Variants in DYTN observed in about 807,000 individuals in gnomAD.
DYTN encodes the protein dystrotelin.
DYTN carries 75 observed loss-of-function variants against 69.6 expected under a neutral mutation model. The observed-to-expected ratio is 1.08, with a 90% CI of 0.89 to 1.31. The LOEUF (loss-of-function observed/expected upper bound fraction) is 1.31, where lower values mean the gene tolerates loss of function less well. DYTN is among the 50% of genes most tolerant of loss of function. DYTN has a pLI of 0.00. For synonymous variants in DYTN, 252 were observed against 249.1 expected, an observed-to-expected ratio of 1.01 and a Z score of -0.11; for missense variants, 726 against 688.4, an observed-to-expected ratio of 1.05 and a Z score of -0.61.
At chr2:206,669,553 C>A (rs1468472715) in intron 9 of DYTN, among the ~76,000 whole-genome samples, 2 of 152,018 alleles carry the variant, frequency 1.3e-5, no homozygotes, top group Non-Finnish European at 2.9e-5. Flanking sequence ...TATACAAATG[C>A]TGTAAATAGT....
Position 206,693,296 on chromosome 2 carries a change from G to A in DYTN, c.859C>T (p.Leu287Phe). Residue 287 changes from leucine to phenylalanine, a missense_variant, in exon 9 of 12, where the codon CTC (leucine) becomes TTC (phenylalanine). Leu to Phe is a conservative substitution (Grantham distance 22). Transcript: ENST00000452335. ...AGGTTGTTTCTGAGGGTCCTGAAGA[G>A]AAGTTTTGTATTCTGCATTGCTGAC... ...QMSAMQNTKL[L>F]FRTLRNNLLQ... is the part of the protein sequence containing the mutation. 1 of 1,613,034 alleles carries A rather than the reference G, an allele frequency of 6.2e-7. No homozygotes were observed. The highest frequency in any genetic ancestry group is 8.5e-7 in the Non-Finnish European group (1 of 1,179,848).
rs1700008321 is a variant in DYTN, at chr2:206,704,743, T to G, written c.483+100A>C. The G allele has an allele frequency of 8.9e-6, 9 of 1,011,078 alleles. No individual in the cohort carries two copies. In the East Asian group the frequency reaches 2.3e-4, roughly 26 times the overall value. 62.6% of individuals were successfully genotyped at this position (1,011,078 alleles called of 1,614,324 possible). On this transcript the variant is annotated intron_variant, in intron 5 of 11. Coordinates refer to ENST00000452335, the MANE Select transcript of DYTN (RefSeq NM_001093730.1). ...AGGAGAGAGCTTGCATGGAGTTATA[T>G]ATAAAGATAGACTTGACACTGGAGA... is the stretch of plus-strand genomic sequence containing the variant.
intron 10 of DYTN, among the ~76,000 whole-genome samples, chr2:206,665,074 C>CT (rs2105888788): frequency 6.6e-6 from 1 of 152,168 alleles, no homozygotes; most frequent in East Asian, 1.9e-4. Context: ...ATCTGAAAGG[C>CT]TATTAATATA....
chr2:206,709,725 A>G (rs756582562), intron 2 of DYTN, among the ~76,000 whole-genome samples: 1 of 152,196 alleles, frequency 6.6e-6, no homozygotes, highest in African/African-American at 2.4e-5. Context: ...CATATATATA[A>G]CATAACTTCT....
At chr2:206,680,040 G>A (rs1699733835) in intron 9 of DYTN, among the ~76,000 whole-genome samples, 1 of 152,086 alleles carries the variant, frequency 6.6e-6, no homozygotes, top group Non-Finnish European at 1.5e-5. Flanking sequence ...CAGCGTGGTC[G>A]GTCATACACT....
chr2:206,694,290 A>G (rs1699896019), intron 8 of DYTN, among the ~76,000 whole-genome samples: 1 of 152,232 alleles, frequency 6.6e-6, no homozygotes, highest in Non-Finnish European at 1.5e-5. Flanking sequence ...TTTTTCAGTC[A>G]ACATTGAGAT....
intron 9 of DYTN, among the ~76,000 whole-genome samples, chr2:206,674,726 G>C (rs539370184): frequency 1.7e-4 from 25 of 148,986 alleles, no homozygotes; most frequent in African/African-American, 6.0e-4. Context: ...GTAGATTTTA[G>C]TTGCAGCAAT....
At chr2:206,716,789 G>T (rs544176909) in intron 1 of DYTN, among the ~76,000 whole-genome samples, 4 of 152,196 alleles carry the variant, frequency 2.6e-5, no homozygotes, top group Admixed American at 2.6e-4. Flanking sequence ...CAGATACACA[G>T]AATCAGCAGA....
chr2:206,705,977 T>G, intron 3 of DYTN, 104 bp from the exon 4 acceptor site: 1 of 1,306,102 alleles, frequency 7.7e-7, no homozygotes, highest in South Asian at 1.3e-5. Flanking sequence ...TCTGATATGG[T>G]GCTATAAGTT....
At chr2:206,673,971 A>G (rs1164857142) in intron 9 of DYTN, among the ~76,000 whole-genome samples, 1 of 152,234 alleles carries the variant, frequency 6.6e-6, no homozygotes, top group Non-Finnish European at 1.5e-5. Context: ...AATATAATTT[A>G]TACTATAATT....
chr2:206,674,229 A>C (rs1449135026), intron 9 of DYTN, among the ~76,000 whole-genome samples: 2 of 152,134 alleles, frequency 1.3e-5, no homozygotes, highest in Non-Finnish European at 2.9e-5. Context: ...AAATGACTTG[A>C]TTTCTGGGAG....
intron 1 of DYTN, among the ~76,000 whole-genome samples, chr2:206,716,879 C>G (rs1438976364): frequency 6.6e-6 from 1 of 152,116 alleles, no homozygotes; most frequent in Non-Finnish European, 1.5e-5. Context: ...GGCCATCACT[C>G]TCCTGTCAAG....
Position 206,663,396 on chromosome 2 carries a change from C to G in DYTN, c.1141-1G>C. 6.4e-7 allele frequency: 1 copy of G among 1,567,742 alleles called. No homozygotes were observed. Among genetic ancestry groups the G allele is most frequent in the African/African-American group, 1.4e-5 (1 of 72,682 alleles). On this transcript the variant is annotated splice_acceptor_variant, in intron 10 of 11. Coordinates refer to ENST00000452335, the MANE Select transcript of DYTN (RefSeq NM_001093730.1). LOFTEE classifies it high-confidence loss of function. ...AAGGACCGGGTGGCTGCAACCTTGC[C>G]TGGGGAAACAAAACTTTATTTATGA...
At chr2:206,676,671 A>AT (rs1699693273) in intron 9 of DYTN, among the ~76,000 whole-genome samples, 2 of 152,236 alleles carry the variant, frequency 1.3e-5, no homozygotes, top group Non-Finnish European at 2.9e-5. Flanking sequence ...AGTTTCAGTT[A>AT]TGCAAGATAA....
At chr2:206,677,287 G>C (rs548606541) in intron 9 of DYTN, among the ~76,000 whole-genome samples, 1 of 152,070 alleles carries the variant, frequency 6.6e-6, no homozygotes, top group East Asian at 1.9e-4. Flanking sequence ...TCAATAAATT[G>C]GTTAACAAAA....
At chr2:206,673,898 A>G (rs16838492) in intron 9 of DYTN, among the ~76,000 whole-genome samples, 21,141 of 152,206 alleles carry the variant, frequency 0.14, 2,446 homozygotes, top group African/African-American at 0.31. Flanking sequence ...GTAAATGAGA[A>G]TAGGCTTTGT....
intron 11 of DYTN, among the ~76,000 whole-genome samples, chr2:206,655,516 C>G (rs1471373054): frequency 6.6e-6 from 1 of 152,038 alleles, no homozygotes; most frequent in Admixed American, 6.5e-5. Context: ...CTCAGGCCAT[C>G]CTCCTGCTTC....
At chr2:206,657,711 G>C (rs1050116996) in intron 11 of DYTN, among the ~76,000 whole-genome samples, 2 of 151,998 alleles carry the variant, frequency 1.3e-5, no homozygotes, top group African/African-American at 4.8e-5. Flanking sequence ...TGAGATTTCT[G>C]ATGCAAAAAC....
intron 9 of DYTN, chr2:206,687,080 A>G (rs937822034): frequency 6.5e-6 from 1 of 154,000 alleles, no homozygotes; most frequent in Admixed American, 6.5e-5. Context: ...CCCCTCACAT[A>G]CAGAAGAAAT....
Sources: allele counts gnomAD v4.1 joint callset (sites outside exome capture counted in the v4.1 genomes callset), GRCh38; gene constraint gnomAD v4.1.1; transcripts MANE v1.5; gene names NCBI Gene and HGNC (gene_info 2026-07-23, HGNC 2026-07-21).